Variants in TLN2 observed in about 807,000 individuals in gnomAD.
TLN2 encodes the protein talin 2.
TLN2 carries 118 observed loss-of-function variants against 294.7 expected under a neutral mutation model. The ratio of observed to expected loss-of-function variants is 0.40; its 90% CI spans 0.34 to 0.47. The LOEUF is 0.47. Ranked by LOEUF, TLN2 falls within the 20% of genes least tolerant of loss-of-function variation. The pLI is 0.84. For synonymous variants in TLN2, 1,431 were observed against 1,304.5 expected, an observed-to-expected ratio of 1.10 and a Z score of -2.09; for missense variants, 3,083 against 3,282.2, an observed-to-expected ratio of 0.94 and a Z score of 1.48.
rs28730918 is a variant in TLN2, at chr15:62,615,049, G to A, written c.-161-3302G>A. Among the ~76,000 whole-genome samples the A allele has an allele frequency of 2.6e-3, 390 of 151,534 alleles. 4 individuals are homozygous for A. Among genetic ancestry groups the A allele is most frequent in the African/African-American group, 9.2e-3 (380 of 41,296 alleles). ...TCGAACTCCTGACCTCAGGGGATCC[G>A]CCTGCCTCGGCTTCCCAAAGTGCTG... On this transcript the variant is annotated intron_variant, in intron 2 of 58. Transcript: ENST00000636159.
chr15:62,633,767 G>A (rs765963852), intron 3 of TLN2, among the ~76,000 whole-genome samples: 5 of 152,066 alleles, frequency 3.3e-5, no homozygotes, highest in African/African-American at 7.2e-5. Context: ...TTAATTTGCC[G>A]GGGCTGTCCC....
intron 1 of TLN2, among the ~76,000 whole-genome samples, chr15:62,563,897 C>G (rs1423377723): frequency 6.6e-6 from 1 of 152,162 alleles, no homozygotes; most frequent in Admixed American, 6.5e-5. Context: ...GTTTATGGGT[C>G]TCTTCTCCCA....
In TLN2 at chr15:62,493,188, G is replaced by T. The variant is rs558937368; in HGVS notation, c.-237-96499G>T. On this transcript the variant is annotated intron_variant, in intron 1 of 58. Transcript: ENST00000636159. ...AGCTGCTTCACTGGAAACTGGGCAAGTACGAGTGAGCTTTCCTCTGATGGT... is the reference window on the plus strand; with the variant it reads ...AGCTGCTTCACTGGAAACTGGGCAATTACGAGTGAGCTTTCCTCTGATGGT... Among the ~76,000 whole-genome samples the T allele has an allele frequency of 1.8e-4, 27 of 152,358 alleles. 1 individual carries two copies. Among genetic ancestry groups the T allele is most frequent in the African/African-American group, 6.5e-4 (27 of 41,584 alleles).
rs755105977 is a variant in TLN2 at position 62,739,395 on chromosome 15, C to T, written c.3735C>T (p.Asn1245=). The T allele has an allele frequency of 4.3e-6, 7 of 1,614,162 alleles. No homozygotes were observed. Among genetic ancestry groups the T allele is most frequent in the Non-Finnish European group, 5.9e-6 (7 of 1,180,024 alleles). The part of the protein sequence containing the change: ...KPFQEAQSEL[N]QAAADLNQSA... ...TCCAGGAAGCCCAGAGTGAACTGAA[C>T]CAGGCAGCAGCTGATCTGAACCAGT... Residue 1245 remains asparagine (N), a synonymous_variant, in exon 31 of 59, where the codon AAC becomes AAT. Coordinates refer to ENST00000636159, the MANE Select transcript of TLN2 (RefSeq NM_015059.3).
Position 62,736,998 on chromosome 15 carries a change from T to A in TLN2, c.3479T>A (p.Val1160Glu). The change falls in exon 29 of 59, where the codon GTG becomes GAG. Residue 1160 changes from valine (V) to glutamate (E), a missense_variant. By Grantham distance (121) the Val-to-Glu change is moderately radical. Coordinates refer to ENST00000636159, the MANE Select transcript of TLN2 (RefSeq NM_015059.3). The stretch of plus-strand genomic sequence containing the variant: ...GCCATGTTAGATTCTGCTCGAGACG[T>A]GATGGAGGGCTCCGCCATGCTCATT... ...AHAMLDSARD[V>E]MEGSAMLIQE... is the part of the protein sequence containing the mutation. 6.2e-7 allele frequency: 1 copy of A among 1,614,118 alleles called. No homozygotes were observed. The highest frequency in any genetic ancestry group is 8.5e-7 in the Non-Finnish European group (1 of 1,180,020).
At position 62,840,686 on chromosome 15, in the gene TLN2, G is replaced by A; in HGVS notation, c.*76G>A. The A allele has an allele frequency of 1.9e-6, 3 of 1,539,880 alleles. No individual in the cohort carries two copies. The highest frequency in any genetic ancestry group is 2.6e-6 in the Non-Finnish European group (3 of 1,145,140). ...ACAGACAGTGTTCCTGAGAGGCTGG[G>A]CACTTAGCTGGAAACCGCCCACCTC... On this transcript the variant is annotated 3_prime_UTR_variant, in exon 59 of 59. Coordinates refer to ENST00000636159, the MANE Select transcript of TLN2 (RefSeq NM_015059.3).
chr15:62,736,927 C>T lies in TLN2; in HGVS notation c.3408C>T (p.Ala1136=), dbSNP rs762068197. The change falls in exon 29 of 59, where the codon GCC becomes GCT. Residue 1136 remains alanine (A), a synonymous_variant. Coordinates refer to ENST00000636159, the MANE Select transcript of TLN2 (RefSeq NM_015059.3). ...AAGCTCTGAAAACACTGGCCCAGGCCGCCCGTGGAGTGGCTGCATCGACAA... is the reference window on the plus strand; with the variant it reads ...AAGCTCTGAAAACACTGGCCCAGGCTGCCCGTGGAGTGGCTGCATCGACAA... ...TAQALKTLAQ[A]ARGVAASTTD... The T allele has an allele frequency of 2.4e-5, 39 of 1,614,114 alleles. 2 individuals are homozygous for T. The highest frequency in any genetic ancestry group is 1.2e-4 in the South Asian group (11 of 91,090).
At chr15:62,803,845 T>C (rs79410435) in intron 50 of TLN2, among the ~76,000 whole-genome samples, 12,930 of 152,202 alleles carry the variant, frequency 0.085, 1,872 homozygotes, top group African/African-American at 0.3. Context: ...TGGATGCTTA[T>C]AGGTGTTCAT....
chr15:62,719,862 C>T lies in TLN2; in HGVS notation c.2973C>T (p.Ser991=). 1.9e-6 allele frequency: 3 copies of T among 1,610,450 alleles called. No homozygotes were observed. Among genetic ancestry groups the T allele is most frequent in the Non-Finnish European group, 2.5e-6 (3 of 1,178,224 alleles). Residue 991 remains serine (S), a synonymous_variant, in exon 25 of 59, where the codon TCC becomes TCT. Transcript: ENST00000636159. ...GTGCCCAGCTGGCTCTCATCATCTC[C>T]AGCCAGAACTTCCTCCAGGTAACAG... ...DLSAQLALII[S]SQNFLQPGSK... is the part of the protein sequence containing the mutation.
chr15:62,588,053 C>T (rs1293481722), intron 1 of TLN2, among the ~76,000 whole-genome samples: 2 of 151,774 alleles, frequency 1.3e-5, no homozygotes, highest in South Asian at 4.2e-4. Context: ...GCTAATTTTT[C>T]GTATTTTTAG....
rs2059127662 is a variant in TLN2 at position 62,707,218 on chromosome 15, G to T, written c.2137G>T (p.Ala713Ser). 1.9e-6 allele frequency: 3 copies of T among 1,613,470 alleles called. No homozygotes were observed. The highest frequency in any genetic ancestry group is 2.5e-6 in the Non-Finnish European group (3 of 1,179,630). The change falls in exon 20 of 59, where the codon GCC becomes TCC. Residue 713 changes from alanine to serine, a missense_variant. By Grantham distance (99) the Ala-to-Ser change is moderately conservative (BLOSUM62 1). Transcript: ENST00000636159. ...GGTAATTGCTGCTGCCACCCAGTGT[G>T]CCCTCTCCACCTCCCAGCTTGTGGC... ...NRVIAAATQC[A>S]LSTSQLVACA...
At chr15:62,640,812 A>AT (rs1304972315) in intron 3 of TLN2, among the ~76,000 whole-genome samples, 1 of 151,830 alleles carries the variant, frequency 6.6e-6, no homozygotes, top group South Asian at 2.1e-4. Context: ...TTATTTATTT[A>AT]TTTTTTTGAG....
At chr15:62,451,492 C>A (rs1005667910) in intron 1 of TLN2, among the ~76,000 whole-genome samples, 3 of 152,164 alleles carry the variant, frequency 2.0e-5, no homozygotes, top group Admixed American at 6.5e-5. Flanking sequence ...CCCGTCTCTA[C>A]TAAAAATACA....
intron 34 of TLN2, 71 bp downstream of exon 34, chr15:62,750,562 T>C (rs2061875349): frequency 1.5e-6 from 2 of 1,328,262 alleles, no homozygotes; most frequent in Admixed American, 1.7e-5. Flanking sequence ...TAGACGTGCC[T>C]TCTGTGCATC....
chr15:62,741,420 T>G (rs1035315707), intron 32 of TLN2, among the ~76,000 whole-genome samples: 1 of 152,174 alleles, frequency 6.6e-6, no homozygotes, highest in Non-Finnish European at 1.5e-5. Context: ...GGGCCACAAG[T>G]TAGTTCAGTA....
Position 62,647,445 on chromosome 15 carries a change from A to G in TLN2, c.135A>G (p.Gln45=). Residue 45 remains glutamine (Q), a splice_region_variant and synonymous_variant, in exon 4 of 59, where the codon CAA becomes CAG. Transcript: ENST00000636159. Reference sequence around the variant, plus strand: ...GGGTGCCTGAGGCACAAACTGGGCAAGGTAGGTCATGGGTTATTTACTGGC... The same window carrying G: ...GGGTGCCTGAGGCACAAACTGGGCAGGGTAGGTCATGGGTTATTTACTGGC... ...RERVPEAQTG[Q]ASDYGLFLSD... is the part of the protein sequence containing the mutation. 1 of 1,614,096 alleles carries G rather than the reference A, an allele frequency of 6.2e-7. No homozygotes were observed. The highest frequency in any genetic ancestry group is 8.5e-7 in the Non-Finnish European group (1 of 1,180,004).
chr15:62,521,475 G>A (rs1419418343), intron 1 of TLN2, among the ~76,000 whole-genome samples: 1 of 152,114 alleles, frequency 6.6e-6, no homozygotes, highest in African/African-American at 2.4e-5. Flanking sequence ...GACAGTTGGG[G>A]GGCAAGTTAC....
chr15:62,414,192 A>ATATATATG (rs66893340), intron 1 of TLN2, among the ~76,000 whole-genome samples: 1 of 122,058 alleles, frequency 8.2e-6, no homozygotes, highest in Non-Finnish European at 1.7e-5. Flanking sequence ...ATATATATAT[A>ATATATATG]ATTTGAGAAA....
chr15:62,679,463 C>T (rs2056595111), intron 11 of TLN2, among the ~76,000 whole-genome samples: 1 of 152,128 alleles, frequency 6.6e-6, no homozygotes, highest in Non-Finnish European at 1.5e-5. Context: ...ATATATGCTA[C>T]AACACGGATA....
Sources: gnomAD v4.1 joint callset for allele counts (sites outside exome capture counted in the v4.1 genomes callset) on GRCh38, gnomAD v4.1.1 for gene constraint, MANE v1.5 for transcripts, NCBI Gene and HGNC (gene_info 2026-07-23, HGNC 2026-07-21) for gene names.